KCNIP2: variants seen among roughly 807,000 people sequenced by gnomAD.
The protein encoded by KCNIP2 is potassium voltage-gated channel interacting protein 2.
KCNIP2 carries 19 observed loss-of-function variants against 39.0 expected under a neutral mutation model. That is an observed-to-expected ratio of 0.49 (90% CI 0.34 to 0.71). The LOEUF is 0.71. Ranked by LOEUF, KCNIP2 falls within the 30% of genes least tolerant of loss-of-function variation. The pLI is 0.01. For missense variants in KCNIP2, 261 were observed against 346.0 expected (o/e 0.75, Z 1.95); for synonymous variants, 111 against 131.2 (o/e 0.85, Z 1.05).
intron 1 of KCNIP2, chr10:101,834,330 C>A: frequency 2.5e-6 from 1 of 399,316 alleles, no homozygotes. Context: ...AGAGCGAGGA[C>A]CACGAGCACA....
At chr10:101,841,395 GCCGC>G (rs1177322227) in intron 1 of KCNIP2, among the ~76,000 whole-genome samples, 1 of 152,172 alleles carries the variant, frequency 6.6e-6, no homozygotes, top group Non-Finnish European at 1.5e-5. Context: ...AGAGCTCAGC[GCCGC>G]CCGCCCGCCC....
chr10:101,833,400 A>T (rs2066054584), intron 1 of KCNIP2, among the ~76,000 whole-genome samples: 1 of 152,106 alleles, frequency 6.6e-6, no homozygotes, highest in Admixed American at 6.5e-5. Flanking sequence ...AGGAGCTTGG[A>T]GAGGCAAGGG....
At position 101,831,105 on chromosome 10, in the gene KCNIP2, A is replaced by G. The variant is rs1298789134; in HGVS notation, c.136T>C (p.Cys46Arg). 6.2e-7 allele frequency: 1 copy of G among 1,613,770 alleles called. No individual in the cohort carries two copies. The highest frequency in any genetic ancestry group is 8.5e-7 in the Non-Finnish European group (1 of 1,179,936). The stretch of plus-strand genomic sequence containing the variant: ...ACTGAGGGCAGGGCTTGGGGCCCGC[A>G]GCACGGCAGCAGCTTGAGGAATCGC... ...KQRFLKLLPC[C>R]GPQALPSVSE... The change falls in exon 2 of 10, where the codon TGC becomes CGC. Residue 46 changes from cysteine (C) to arginine (R), a missense_variant. Transcript: ENST00000356640.
intron 1 of KCNIP2, chr10:101,834,429 C>T (rs2066085396): frequency 2.5e-6 from 1 of 398,894 alleles, no homozygotes; most frequent in Non-Finnish European, 4.4e-6. Flanking sequence ...TTCACCGCCT[C>T]ACACCACCTC....
intron 2 of KCNIP2, 169 bp from the exon 3 acceptor site, chr10:101,830,066 C>CA: frequency 2.6e-6 from 2 of 764,952 alleles, no homozygotes; most frequent in African/African-American, 1.8e-5. Flanking sequence ...TTGCGGGACT[C>CA]ACGCCTGTCC....
At chr10:101,839,816 G>C (rs766097731) in intron 1 of KCNIP2, 1 of 1,610,064 alleles carries the variant, frequency 6.2e-7, no homozygotes, top group Non-Finnish European at 8.5e-7. Context: ...AGCGGGCTCC[G>C]GCACCTGCGG....
intron 2 of KCNIP2, 133 bp from the exon 3 acceptor site, chr10:101,830,030 A>C: frequency 1.0e-6 from 1 of 991,458 alleles, no homozygotes; most frequent in Non-Finnish European, 1.5e-6. Context: ...ACAGACACAC[A>C]CGAAACGGAC....
At chr10:101,829,493 C>A in intron 3 of KCNIP2, 1 of 479,314 alleles carries the variant, frequency 2.1e-6, no homozygotes, top group Non-Finnish European at 3.7e-6. Flanking sequence ...CCAGCCGCAT[C>A]TTCGTTTTAG....
chr10:101,832,998 C>T (rs1412238777), intron 1 of KCNIP2, among the ~76,000 whole-genome samples: 2 of 152,202 alleles, frequency 1.3e-5, no homozygotes, highest in East Asian at 3.8e-4. Context: ...CCCCACTCCA[C>T]CCCAATAAAT....
At chr10:101,834,414 G>A (rs904522951) in intron 1 of KCNIP2, 5 of 398,954 alleles carry the variant, frequency 1.3e-5, no homozygotes, top group South Asian at 1.3e-4. Flanking sequence ...GTTCAGATAC[G>A]CCGGTTCACC....
At chr10:101,834,789 C>T (rs1477777941) in intron 1 of KCNIP2, among the ~76,000 whole-genome samples, 3 of 152,192 alleles carry the variant, frequency 2.0e-5, no homozygotes, top group African/African-American at 7.2e-5. Flanking sequence ...CATGAGAAAC[C>T]ACCATCTGCA....
intron 3 of KCNIP2, chr10:101,829,488 C>T (rs1391028700): frequency 4.2e-6 from 2 of 480,902 alleles, no homozygotes; most frequent in Non-Finnish European, 3.7e-6. Flanking sequence ...GGCCCCCAGC[C>T]GCATCTTCGT....
At chr10:101,832,857 A>G (rs1461703047) in intron 1 of KCNIP2, among the ~76,000 whole-genome samples, 2 of 152,074 alleles carry the variant, frequency 1.3e-5, no homozygotes, top group Non-Finnish European at 2.9e-5. Flanking sequence ...GGATTTCCAG[A>G]TGCCCTCTCT....
At chr10:101,827,491 G>T in intron 9 of KCNIP2, 91 bp from the exon 10 acceptor site, 1 of 1,435,528 alleles carries the variant, frequency 7.0e-7, no homozygotes, top group Non-Finnish European at 9.7e-7. Flanking sequence ...GTCACAGACG[G>T]GGACATTCAA....
intron 1 of KCNIP2, among the ~76,000 whole-genome samples, chr10:101,832,242 T>C (rs1198826735): frequency 6.6e-6 from 1 of 152,038 alleles, no homozygotes; most frequent in East Asian, 1.9e-4. Context: ...TTCTCCCTTA[T>C]TTCTGCACAT....
chr10:101,842,144 T>A (rs1205914035), intron 1 of KCNIP2, among the ~76,000 whole-genome samples: 1 of 152,132 alleles, frequency 6.6e-6, no homozygotes, highest in East Asian at 1.9e-4. Flanking sequence ...ATGGCCTCCC[T>A]CCACCTCCCC....
At chr10:101,841,309 C>T (rs1262077011) in intron 1 of KCNIP2, among the ~76,000 whole-genome samples, 1 of 152,202 alleles carries the variant, frequency 6.6e-6, no homozygotes, top group Non-Finnish European at 1.5e-5. Context: ...GAAGGGGAGG[C>T]GAAGCCTGGC....
At position 101,827,226 on chromosome 10, in the gene KCNIP2, C is replaced by G; in HGVS notation, c.*127G>C. The stretch of plus-strand genomic sequence containing the variant: ...ATCTGGACTACTGAATCCCCAAGCT[C>G]TTGGATCCCTCCAGCCCCCAGGGAG... On this transcript the variant is annotated 3_prime_UTR_variant, in exon 10 of 10. Coordinates refer to ENST00000356640, the MANE Select transcript of KCNIP2 (RefSeq NM_173191.3). 7.2e-7 allele frequency: 1 copy of G among 1,386,474 alleles called. No individual in the cohort carries two copies. The highest frequency in any genetic ancestry group is 9.4e-7 in the Non-Finnish European group (1 of 1,067,426). 85.9% of individuals were successfully genotyped at this position (1,386,474 alleles called of 1,614,324 possible).
Position 101,828,349 on chromosome 10 carries a change from C to G in KCNIP2, c.489+40G>C, listed in dbSNP as rs377188570. On this transcript the variant is annotated intron_variant, in intron 6 of 9. Coordinates refer to ENST00000356640, the MANE Select transcript of KCNIP2 (RefSeq NM_173191.3). The surrounding 1 kb of genome is among the most constrained non-coding windows in gnomAD (Gnocchi z 6.6). ...GGCCTGGAGATCCTGGCCCTGAACTCCAGGAAACAGGCTTCCCTGGCCCAC... is the reference window on the plus strand; with the variant it reads ...GGCCTGGAGATCCTGGCCCTGAACTGCAGGAAACAGGCTTCCCTGGCCCAC... The G allele has an allele frequency of 6.2e-7, 1 of 1,613,246 alleles. No individual in the cohort carries two copies. Among genetic ancestry groups the G allele is most frequent in the African/African-American group, 1.3e-5 (1 of 74,904 alleles).
Sources: gnomAD v4.1 joint callset for allele counts (sites outside exome capture counted in the v4.1 genomes callset) on GRCh38, gnomAD v4.1.1 for gene constraint, Gnocchi (gnomAD v3.1) non-coding constraint, MANE v1.5 for transcripts, NCBI Gene and HGNC (gene_info 2026-07-23, HGNC 2026-07-21) for gene names.